The following NAALADL2 variants were observed in gnomAD, a reference collection of about 807,000 sequenced individuals.
The protein encoded by NAALADL2 is N-acetylated alpha-linked acidic dipeptidase like 2.
NAALADL2 carries 76 observed loss-of-function variants against 87.2 expected under a neutral mutation model. The ratio of observed to expected loss-of-function variants is 0.87; its 90% CI spans 0.72 to 1.05. The LOEUF is 1.05. Among genes scored for constraint, NAALADL2 ranks in the 50% least tolerant of loss-of-function variants. NAALADL2 has a pLI of 0.00. For missense variants in NAALADL2, 1,089 were observed against 945.8 expected (o/e 1.15, Z -1.99); for synonymous variants, 354 against 331.0 (o/e 1.07, Z -0.75).
In NAALADL2 at chr3:175,096,829, G is replaced by A. The variant is rs760122100; in HGVS notation, c.83G>A (p.Arg28Lys). The A allele has an allele frequency of 6.2e-7, 1 of 1,602,512 alleles. No homozygotes were observed. The highest frequency in any genetic ancestry group is 8.5e-7 in the Non-Finnish European group (1 of 1,174,812). ...TATCAGAAGGTCCATGCAGATCAAA[G>A]AGCTCCAGGACACTCACAGTACTTA... ...MAYQKVHADQ[R>K]APGHSQYLDN... is the part of the protein sequence containing the mutation. Residue 28 changes from arginine (R) to lysine (K), a missense_variant, in exon 2 of 14, where the codon AGA becomes AAA. Transcript: ENST00000454872.
chr3:174,489,211 C>CA (rs1204592597), intron 1 of NAALADL2, among the ~76,000 whole-genome samples: 3 of 151,914 alleles, frequency 2.0e-5, no homozygotes, highest in Non-Finnish European at 4.4e-5. Flanking sequence ...TGCTTTTTGA[C>CA]AATGGTGCCA....
chr3:175,137,766 GTTTGTTTTGT>G (rs1553787019), intron 2 of NAALADL2, among the ~76,000 whole-genome samples: 1 of 151,034 alleles, frequency 6.6e-6, no homozygotes, highest in African/African-American at 2.4e-5. Flanking sequence ...ACCCAGCTAA[GTTTGTTTTGT>G]TTTGTTTTGT....
rs547718352 is a variant in NAALADL2 at position 175,755,319 on chromosome 3, C to T, written c.2090C>T (p.Pro697Leu). 3 of 1,613,456 alleles carry T rather than the reference C, an allele frequency of 1.9e-6. No homozygotes were observed. Among genetic ancestry groups the T allele is most frequent in the African/African-American group, 2.7e-5 (2 of 74,978 alleles). The change falls in exon 13 of 14, where the codon CCC becomes CTC. Residue 697 changes from proline (P) to leucine (L), a missense_variant. Physicochemically the swap from Pro to Leu is moderately conservative, Grantham distance 98. Transcript: ENST00000454872. ...GATGAGATGCGACCTGCTAATGATC[C>T]CAAGGAGAGAGCACCCATCCGCATC... ...QSDEMRPAND[P>L]KERAPIRIRM...
chr3:175,362,347 C>T (rs532479564), intron 5 of NAALADL2, among the ~76,000 whole-genome samples: 8 of 147,830 alleles, frequency 5.4e-5, no homozygotes, highest in Middle Eastern at 3.5e-3. Flanking sequence ...CTTGGCAATG[C>T]GGGCTCTTTT....
At chr3:175,302,667 A>G (rs1387353512) in intron 4 of NAALADL2, among the ~76,000 whole-genome samples, 1 of 152,162 alleles carries the variant, frequency 6.6e-6, no homozygotes, top group Non-Finnish European at 1.5e-5. Flanking sequence ...TGTATGTTAG[A>G]AAATACTATT....
intron 3 of NAALADL2, chr3:174,737,785 A>G (rs1038532555): frequency 2.0e-5 from 3 of 152,210 alleles, no homozygotes; most frequent in Non-Finnish European, 4.4e-5. Context: ...TAGGACTTTC[A>G]TTCTTGAATC....
At chr3:175,031,922 A>G (rs1752843147) in intron 1 of NAALADL2, among the ~76,000 whole-genome samples, 1 of 152,074 alleles carries the variant, frequency 6.6e-6, no homozygotes. Flanking sequence ...TCTTTTGAGA[A>G]GTGCCTATTC....
intron 2 of NAALADL2, among the ~76,000 whole-genome samples, chr3:174,578,099 AG>A (rs1715744233): frequency 1.3e-5 from 2 of 152,136 alleles, no homozygotes; most frequent in East Asian, 3.9e-4. Flanking sequence ...AAGAGAAAAA[AG>A]GTTTTAAAAA....
intron 1 of NAALADL2, among the ~76,000 whole-genome samples, chr3:175,095,279 A>G (rs961651657): frequency 6.6e-6 from 1 of 152,014 alleles, no homozygotes; most frequent in Non-Finnish European, 1.5e-5. Context: ...TGCTAGAATC[A>G]ATCACCCCTG....
At chr3:175,194,706 CAGTT>C (rs1738718076) in intron 2 of NAALADL2, among the ~76,000 whole-genome samples, 1 of 151,760 alleles carries the variant, frequency 6.6e-6, no homozygotes, top group East Asian at 1.9e-4. Context: ...AATTATGGCT[CAGTT>C]GGTGTGTATT....
At chr3:174,854,294 T>G (rs1379856597) in intron 3 of NAALADL2, among the ~76,000 whole-genome samples, 1 of 152,164 alleles carries the variant, frequency 6.6e-6, no homozygotes, top group African/African-American at 2.4e-5. Flanking sequence ...AGATAAATAT[T>G]GCATGTTCTC....
At chr3:175,189,420 C>A (rs1737818602) in intron 2 of NAALADL2, among the ~76,000 whole-genome samples, 1 of 152,106 alleles carries the variant, frequency 6.6e-6, no homozygotes, top group Admixed American at 6.5e-5. Flanking sequence ...AAATCAGTAG[C>A]ATTCCCTACA....
At chr3:174,608,888 G>A (rs1399361427) in intron 2 of NAALADL2, among the ~76,000 whole-genome samples, 8 of 152,070 alleles carry the variant, frequency 5.3e-5, no homozygotes, top group African/African-American at 1.9e-4. Flanking sequence ...CAATATCCTT[G>A]ATGAACATTG....
chr3:174,610,438 G>T (rs1719699072), intron 2 of NAALADL2, among the ~76,000 whole-genome samples: 1 of 151,614 alleles, frequency 6.6e-6, no homozygotes, highest in African/African-American at 2.4e-5. Flanking sequence ...CTAATATCCA[G>T]AATCTACAAT....
At chr3:175,335,988 T>C (rs182595717) in intron 5 of NAALADL2, among the ~76,000 whole-genome samples, 1 of 152,076 alleles carries the variant, frequency 6.6e-6, no homozygotes, top group African/African-American at 2.4e-5. Flanking sequence ...ACACTGCTCA[T>C]TGAGTAATGA....
At chr3:175,206,113 A>G (rs1260288229) in intron 2 of NAALADL2, among the ~76,000 whole-genome samples, 1 of 151,574 alleles carries the variant, frequency 6.6e-6, no homozygotes, top group Non-Finnish European at 1.5e-5. Context: ...CCCACAGGAA[A>G]ATAAGTCATT....
In NAALADL2 at chr3:175,222,165, A is replaced by G. The variant is rs1485177334; in HGVS notation, c.546-11766A>G. Among the ~76,000 whole-genome samples the G allele has an allele frequency of 3.3e-5, 5 of 152,166 alleles. No individual in the cohort carries two copies. The East Asian group carries it at 9.6e-4, about 29-fold the overall frequency. On this transcript the variant is annotated intron_variant, in intron 2 of 13. Transcript: ENST00000454872. ...GTGTAGGTAAGAGTTGACCATTGCC[A>G]AAGAAGTTAAGATGGTTTTGCCAGA...
At chr3:175,422,591 A>AT (rs1290348507) in intron 5 of NAALADL2, among the ~76,000 whole-genome samples, 4 of 152,070 alleles carry the variant, frequency 2.6e-5, no homozygotes, top group Admixed American at 2.6e-4. Context: ...GAAAAAAAAA[A>AT]TCTTTTATTT....
intron 1 of NAALADL2, among the ~76,000 whole-genome samples, chr3:174,943,979 C>T (rs1023007805): frequency 6.6e-6 from 1 of 152,094 alleles, no homozygotes; most frequent in African/African-American, 2.4e-5. Context: ...GAGGCCCAGG[C>T]CTGGGGGATC....
Sources: gnomAD v4.1 joint callset for allele counts (sites outside exome capture counted in the v4.1 genomes callset) on GRCh38, gnomAD v4.1.1 for gene constraint, MANE v1.5 for transcripts, NCBI Gene and HGNC (gene_info 2026-07-23, HGNC 2026-07-21) for gene names.